The following CTNNA3 variants were observed in gnomAD, a reference collection of about 807,000 sequenced individuals.
The protein encoded by CTNNA3 is catenin alpha 3, also known as catenin alpha-3.
A neutral mutation model predicts 95.7 loss-of-function variants in CTNNA3; 76 were observed. The observed-to-expected ratio is 0.79, with a 90% confidence interval of 0.66 to 0.96. The LOEUF is 0.96. Among genes scored for constraint, CTNNA3 ranks in the 40% least tolerant of loss-of-function variants. The pLI is 0.00. For synonymous variants in CTNNA3, 431 were observed against 374.4 expected (o/e 1.15, Z -1.74); for missense variants, 1,191 against 1,089.8 (o/e 1.09, Z -1.31).
intron 5 of CTNNA3, among the ~76,000 whole-genome samples, chr10:67,396,242 A>G (rs1007565974): frequency 1.8e-4 from 27 of 152,186 alleles, no homozygotes; most frequent in African/African-American, 5.3e-4. Flanking sequence ...GAATCTAGAA[A>G]AATAGGATTA....
chr10:66,421,597 C>G (rs1183167013), intron 11 of CTNNA3, among the ~76,000 whole-genome samples: 1 of 151,646 alleles, frequency 6.6e-6, no homozygotes, highest in Non-Finnish European at 1.5e-5. Flanking sequence ...GTATTCCCAG[C>G]ACTTTGGGAG....
At chr10:66,451,787 T>C (rs1353230854) in intron 11 of CTNNA3, among the ~76,000 whole-genome samples, 2 of 152,158 alleles carry the variant, frequency 1.3e-5, no homozygotes, top group Non-Finnish European at 2.9e-5. Context: ...TGCTAGCCAA[T>C]CCAAAAACTT....
At chr10:66,223,720 C>T (rs2089099192) in intron 13 of CTNNA3, among the ~76,000 whole-genome samples, 1 of 152,136 alleles carries the variant, frequency 6.6e-6, no homozygotes, top group Admixed American at 6.5e-5. Context: ...AGTGGTATGA[C>T]CATTAATTTT....
chr10:67,574,439 T>C (rs1335715163), intron 3 of CTNNA3, among the ~76,000 whole-genome samples: 2 of 152,130 alleles, frequency 1.3e-5, no homozygotes, highest in African/African-American at 4.8e-5. Flanking sequence ...CATTTTTAAT[T>C]AGTGTCCTGA....
intron 11 of CTNNA3, among the ~76,000 whole-genome samples, chr10:66,460,013 T>C (rs1039623360): frequency 6.6e-6 from 1 of 152,142 alleles, no homozygotes; most frequent in African/African-American, 2.4e-5. Context: ...TCTTCCAAAA[T>C]AGACAGCCAA....
In CTNNA3 at chr10:66,069,359, A is replaced by G; in HGVS notation, c.2108T>C (p.Val703Ala). Residue 703 changes from valine to alanine, a missense_variant, in exon 15 of 18, where the codon GTT (valine) becomes GCT (alanine). By Grantham distance (64) the Val-to-Ala change is moderately conservative (BLOSUM62 0). Transcript: ENST00000433211. ...IWDDTSNDII[V>A]LAKNMCMIMM... ...GATCATACACATGTTCTTGGCCAGA[A>G]CAATGATGTCGTTGCTTGTATCATC... 1 of 1,613,744 alleles carries G rather than the reference A, an allele frequency of 6.2e-7. No individual in the cohort carries two copies.
chr10:67,592,484 A>C (rs1426666961), intron 3 of CTNNA3, among the ~76,000 whole-genome samples: 1 of 152,138 alleles, frequency 6.6e-6, no homozygotes, highest in Non-Finnish European at 1.5e-5. Context: ...AAAAAGCCAC[A>C]ATATTTCTAA....
intron 11 of CTNNA3, among the ~76,000 whole-genome samples, chr10:66,484,877 G>A (rs1403997511): frequency 6.6e-6 from 1 of 152,062 alleles, no homozygotes; most frequent in Admixed American, 6.6e-5. Context: ...AAGGGATCAT[G>A]TGCTATGATA....
chr10:67,424,640 AACT>A (rs1845853263), intron 5 of CTNNA3, among the ~76,000 whole-genome samples: 1 of 152,140 alleles, frequency 6.6e-6, no homozygotes, highest in Non-Finnish European at 1.5e-5. Context: ...AACAATTTCT[AACT>A]ACTATTTCTT....
chr10:66,710,681 AT>A (rs555226189), intron 9 of CTNNA3, among the ~76,000 whole-genome samples: 2 of 151,876 alleles, frequency 1.3e-5, no homozygotes, highest in South Asian at 2.1e-4. Context: ...CTCTTTAATA[AT>A]TTTTTTCCTA....
chr10:67,318,299 A>G (rs1010682268), intron 5 of CTNNA3, among the ~76,000 whole-genome samples: 1 of 152,150 alleles, frequency 6.6e-6, no homozygotes, highest in Non-Finnish European at 1.5e-5. Context: ...TGAAACATTA[A>G]TGTTCTACAT....
At chr10:66,447,409 A>T (rs1211316438) in intron 11 of CTNNA3, among the ~76,000 whole-genome samples, 1 of 125,042 alleles carries the variant, frequency 8.0e-6, no homozygotes, top group Non-Finnish European at 1.7e-5. Flanking sequence ...GCATCACACT[A>T]CCTGACTTCA....
chr10:66,911,943 A>G (rs565490430), intron 7 of CTNNA3, among the ~76,000 whole-genome samples: 11 of 152,334 alleles, frequency 7.2e-5, no homozygotes, highest in African/African-American at 1.9e-4. Flanking sequence ...GCAGAAGCCT[A>G]GAGTATTTCA....
At chr10:67,542,097 T>C (rs889991770) in intron 3 of CTNNA3, among the ~76,000 whole-genome samples, 3 of 152,106 alleles carry the variant, frequency 2.0e-5, no homozygotes, top group African/African-American at 7.2e-5. Flanking sequence ...GGTAGCTCTG[T>C]TGGGAAGAGA....
chr10:65,945,164 A>C (rs1052926557), intron 17 of CTNNA3, among the ~76,000 whole-genome samples: 1 of 151,092 alleles, frequency 6.6e-6, no homozygotes, highest in Non-Finnish European at 1.5e-5. Flanking sequence ...GTGTGTGTAT[A>C]TATATATATA....
chr10:66,569,645 T>C (rs1174310983), intron 10 of CTNNA3, among the ~76,000 whole-genome samples: 1 of 152,108 alleles, frequency 6.6e-6, no homozygotes, highest in Non-Finnish European at 1.5e-5. Flanking sequence ...TAGCATCCTG[T>C]TGGGTCCCAG....
intron 11 of CTNNA3, among the ~76,000 whole-genome samples, chr10:66,456,609 G>A (rs1000020179): frequency 1.3e-5 from 2 of 152,078 alleles, no homozygotes; most frequent in Non-Finnish European, 2.9e-5. Flanking sequence ...CTGGGAGGCA[G>A]AAGTTGTGGT....
At position 66,256,857 on chromosome 10, in the gene CTNNA3, G is replaced by T. The variant is rs546027991; in HGVS notation, c.1884+23613C>A. ...TATGCTACTAACAGAATGGGGACCT[G>T]TTATTGCTGCAGAAATCCAGGACAC... is the stretch of plus-strand genomic sequence containing the variant. On this transcript the variant is annotated intron_variant, in intron 13 of 17. Coordinates refer to ENST00000433211, the MANE Select transcript of CTNNA3 (RefSeq NM_013266.4). Among the ~76,000 whole-genome samples, 6 of 152,250 alleles carry T rather than the reference G, an allele frequency of 3.9e-5. No individual in the cohort carries two copies. In the East Asian group the frequency reaches 1.2e-3, roughly 29 times the overall value.
chr10:66,444,824 A>G lies in CTNNA3; in HGVS notation c.1532-65472T>C, dbSNP rs558963358. The stretch of plus-strand genomic sequence containing the variant: ...GAACAGGACCAAATTCACACATAAC[A>G]CTTAACTTTAAATGTAAATGGGCTA... On this transcript the variant is annotated intron_variant, in intron 11 of 17. Coordinates refer to ENST00000433211, the MANE Select transcript of CTNNA3 (RefSeq NM_013266.4). Among the ~76,000 whole-genome samples the G allele has an allele frequency of 7.9e-5, 12 of 152,206 alleles. No individual in the cohort carries two copies. The South Asian group carries it at 2.5e-3, about 32-fold the overall frequency.
Sources: allele counts gnomAD v4.1 joint callset (sites outside exome capture counted in the v4.1 genomes callset), GRCh38; gene constraint gnomAD v4.1.1; transcripts MANE v1.5; gene names NCBI Gene and HGNC (gene_info 2026-07-23, HGNC 2026-07-21).